The following SNAPC4 variants were observed in gnomAD, a reference collection of about 807,000 sequenced individuals.
The protein encoded by SNAPC4 is snRNA-activating protein complex subunit 4.
A neutral mutation model predicts 151.3 loss-of-function variants in SNAPC4; 127 were observed. The ratio of observed to expected loss-of-function variants is 0.84; its 90% CI spans 0.73 to 0.97. The LOEUF is 0.97. Among genes scored for constraint, SNAPC4 ranks in the 50% least tolerant of loss-of-function variants. SNAPC4 has a pLI of 0.00. For missense variants in SNAPC4, 2,186 were observed against 1,935.0 expected, an observed-to-expected ratio of 1.13 and a Z score of -2.43; for synonymous variants, 1,002 against 824.4, an observed-to-expected ratio of 1.22 and a Z score of -3.69.
In SNAPC4 at chr9:136,378,363, G is replaced by A. The variant is rs144039731; in HGVS notation, c.3464C>T (p.Pro1155Leu). 4.9e-4 allele frequency: 785 copies of A among 1,610,968 alleles called. 3 individuals are homozygous for A. The African/African-American group carries it at 8.8e-3, about 18-fold the overall frequency. The part of the protein sequence containing the change: ...EPSCRTDTPA[P>L]PTHALSQSPA... The stretch of plus-strand genomic sequence containing the variant: ...ACTTTGGGAGAGGGCGTGTGTGGGA[G>A]GAGCTGGGGTGTCTGTCCTGCAGGA... Residue 1155 changes from proline (P) to leucine (L), a missense_variant, in exon 22 of 24, where the codon CCT (proline) becomes CTT (leucine). Physicochemically the swap from Pro to Leu is moderately conservative, Grantham distance 98. Coordinates refer to ENST00000684778, the MANE Select transcript of SNAPC4 (RefSeq NM_003086.4).
At position 136,383,478 on chromosome 9, in the gene SNAPC4, T is replaced by A; in HGVS notation, c.1691A>T (p.Tyr564Phe). The change falls in exon 16 of 24, where the codon TAC becomes TTC. Residue 564 changes from tyrosine to phenylalanine, a missense_variant. Coordinates refer to ENST00000684778, the MANE Select transcript of SNAPC4 (RefSeq NM_003086.4). This position sits in a 1 kb window ranked among gnomAD's most constrained non-coding sequence, Gnocchi z 4.2. ...EGDRALLSPQ[Y>F]MVPDMDLWVP... Reference sequence around the variant, plus strand: ...CCACAGGTCCATGTCCGGGACCATGTACTGTGGGGACAGCAGCGCTCTGTC... The same window carrying A: ...CCACAGGTCCATGTCCGGGACCATGAACTGTGGGGACAGCAGCGCTCTGTC... The A allele has an allele frequency of 1.9e-6, 3 of 1,566,594 alleles. No homozygotes were observed. The highest frequency in any genetic ancestry group is 1.7e-6 in the Non-Finnish European group (2 of 1,155,928).
At chr9:136,387,661 G>T in intron 12 of SNAPC4, 81 bp downstream of exon 12, 3 of 1,365,798 alleles carry the variant, frequency 2.2e-6, no homozygotes, top group South Asian at 1.2e-5. Context: ...TCAGAGAAGG[G>T]ACCACTGGGG....
intron 3 of SNAPC4, among the ~76,000 whole-genome samples, chr9:136,396,134 G>C (rs1245809456): frequency 6.6e-6 from 1 of 152,228 alleles, no homozygotes; most frequent in African/African-American, 2.4e-5. Context: ...CACCAGCAAA[G>C]CACGGGGAGC....
chr9:136,380,991 G>A (rs978348200), intron 19 of SNAPC4, 141 bp from the exon 20 acceptor site: 4 of 615,120 alleles, frequency 6.5e-6, no homozygotes, highest in Middle Eastern at 2.9e-4. Flanking sequence ...TTCTGATGCA[G>A]ATGCAGGGGA....
Position 136,395,616 on chromosome 9 carries a change from T to A in SNAPC4, c.332A>T (p.Asn111Ile), listed in dbSNP as rs1484853581. ...GGCCCATCCCACCTGCTGCTCCCGG[T>A]TCTGGGCCAGCAGCAGGTTGGCCTC... ...LAEANLLLAQ[N>I]REQQEELMRD... Residue 111 changes from asparagine (N) to isoleucine (I), a missense_variant, in exon 4 of 24, where the codon AAC becomes ATC. Transcript: ENST00000684778. The A allele has an allele frequency of 6.8e-6, 11 of 1,611,616 alleles. No homozygotes were observed. Among genetic ancestry groups the A allele is most frequent in the Admixed American group, 1.7e-5 (1 of 59,988 alleles).
chr9:136,382,256 T>C lies in SNAPC4; in HGVS notation c.2064A>G (p.Thr688=). 13 of 1,612,604 alleles carry C rather than the reference T, an allele frequency of 8.1e-6. No individual in the cohort carries two copies. The highest frequency in any genetic ancestry group is 8.5e-6 in the Non-Finnish European group (10 of 1,179,880). The change falls in exon 17 of 24, where the codon ACA becomes ACG. Residue 688 remains threonine (T), a synonymous_variant. Coordinates refer to ENST00000684778, the MANE Select transcript of SNAPC4 (RefSeq NM_003086.4). The part of the protein sequence containing the change: ...LRANTAARSC[T]QKEQLRQPPL... ...GGGTGTCTGCAGCAGGCCTCACCTG[T>C]GTGCAGCTCCGAGCAGCCGTGTTGG... is the stretch of plus-strand genomic sequence containing the variant.
chr9:136,393,520 T>G (rs1049352367), intron 7 of SNAPC4, among the ~76,000 whole-genome samples: 2 of 152,222 alleles, frequency 1.3e-5, no homozygotes, highest in Admixed American at 6.5e-5. Context: ...AGTAAGGCTG[T>G]GCTGTGCCTT....
chr9:136,379,950 C>T (rs1833627760), intron 20 of SNAPC4, 86 bp from the exon 21 acceptor site: 1 of 1,472,264 alleles, frequency 6.8e-7, no homozygotes, highest in Non-Finnish European at 9.4e-7. Context: ...CTATCCCCTG[C>T]CACTCCCTGA....
intron 13 of SNAPC4, among the ~76,000 whole-genome samples, chr9:136,386,497 T>C (rs1382267869): frequency 1.3e-5 from 2 of 150,604 alleles, no homozygotes; most frequent in Non-Finnish European, 2.9e-5. Flanking sequence ...TGCAATGGCG[T>C]GATCTCGGCT....
chr9:136,392,156 C>T (rs1352470040), intron 9 of SNAPC4, 50 bp from the exon 10 acceptor site: 7 of 1,600,692 alleles, frequency 4.4e-6, no homozygotes, highest in Admixed American at 1.7e-5. Flanking sequence ...CCCAGGGGCA[C>T]CCTAGACGCA....
At chr9:136,395,205 G>A (rs1222877888) in intron 5 of SNAPC4, 93 bp downstream of exon 5, 6 of 1,480,520 alleles carry the variant, frequency 4.1e-6, no homozygotes, top group Non-Finnish European at 5.5e-6. Context: ...TGAACTCACA[G>A]GAATTCACGA....
At chr9:136,388,651 GCT>G in intron 10 of SNAPC4, 60 bp from the exon 11 acceptor site, 1 of 1,602,318 alleles carries the variant, frequency 6.2e-7, no homozygotes, top group Non-Finnish European at 8.5e-7. Flanking sequence ...TCCAGATCTG[GCT>G]CTGAGTGCCC....
chr9:136,379,692 G>A, intron 21 of SNAPC4, 145 bp downstream of exon 21: 2 of 790,140 alleles, frequency 2.5e-6, no homozygotes, highest in Non-Finnish European at 2.1e-6. Flanking sequence ...TCATCCCTGT[G>A]GTGGGACTCG....
rs147271628 is a variant in SNAPC4 at position 136,383,542 on chromosome 9, CGCT to C, written c.1624_1626del (p.Ser542del). 374,149 of 1,556,248 alleles carry C rather than the reference CGCT, an allele frequency of 0.24. 38,799 individuals are homozygous for C. Among genetic ancestry groups the C allele is most frequent in the Admixed American group, 0.27 (14,718 of 55,236 alleles). On this transcript the variant is annotated inframe_deletion, in exon 16 of 24. Transcript: ENST00000684778. This position sits in a 1 kb window ranked among gnomAD's most constrained non-coding sequence, Gnocchi z 4.2. Reference sequence around the variant, plus strand: ...TGCGCCTGCTCTGGCTCGTCCTCCTCGCTGCTGCTGCTGCTGCTGCTGCTGCTC... The same window carrying C: ...TGCGCCTGCTCTGGCTCGTCCTCCTCGCTGCTGCTGCTGCTGCTGCTGCTC...
chr9:136,398,352 G>C lies in SNAPC4; in HGVS notation c.77C>G (p.Ser26Trp), dbSNP rs746705123. Reference sequence around the variant, plus strand: ...TTCTGAGATCTCCACGTGGGAGCCCGAGGAGCCGGGATCCAAAATCCTTTC... The same window carrying C: ...TTCTGAGATCTCCACGTGGGAGCCCCAGGAGCCGGGATCCAAAATCCTTTC... Reference protein sequence around the residue: ...ELERILDPGSSGSHVEISESS... With the variant: ...ELERILDPGSWGSHVEISESS... The change falls in exon 2 of 24, where the codon TCG becomes TGG. Residue 26 changes from serine (S) to tryptophan (W), a missense_variant. Ser to Trp is a radical substitution (Grantham distance 177). Transcript: ENST00000684778. 1 of 1,613,914 alleles carries C rather than the reference G, an allele frequency of 6.2e-7. No homozygotes were observed. The highest frequency in any genetic ancestry group is 8.5e-7 in the Non-Finnish European group (1 of 1,179,882).
rs1338472508 is a variant in SNAPC4 at position 136,383,692 on chromosome 9, A to G, written c.1501-24T>C. On this transcript the variant is annotated intron_variant, in intron 15 of 23. Coordinates refer to ENST00000684778, the MANE Select transcript of SNAPC4 (RefSeq NM_003086.4). This position sits in a 1 kb window ranked among gnomAD's most constrained non-coding sequence, Gnocchi z 4.2. ...TTCTGAGGGGAGGAAAGAGCTACTT[A>G]GAGGCCTTGGCAAGCCCGGTTCACC... 2 of 1,580,528 alleles carry G rather than the reference A, an allele frequency of 1.3e-6. No homozygotes were observed. Among genetic ancestry groups the G allele is most frequent in the South Asian group, 2.4e-5 (2 of 84,950 alleles).
At chr9:136,381,442 C>T in intron 18 of SNAPC4, 50 bp from the exon 19 acceptor site, 1 of 1,500,238 alleles carries the variant, frequency 6.7e-7, no homozygotes, top group East Asian at 2.3e-5. Context: ...CCCATGGGCA[C>T]AGGGGGATGG....
intron 21 of SNAPC4, among the ~76,000 whole-genome samples, chr9:136,379,584 G>A (rs550765997): frequency 7.9e-5 from 12 of 152,322 alleles, no homozygotes; most frequent in East Asian, 3.9e-4. Context: ...ATGGGCGGAC[G>A]CTCGCTCCAG....
chr9:136,384,163 T>C (rs1211641601), intron 14 of SNAPC4, 131 bp from the exon 15 acceptor site: 2 of 676,918 alleles, frequency 3.0e-6, no homozygotes, highest in Non-Finnish European at 5.1e-6. Context: ...CGCTGGGGGG[T>C]CAAGCATGTT....
Sources: allele counts gnomAD v4.1 joint callset (sites outside exome capture counted in the v4.1 genomes callset), GRCh38; gene constraint gnomAD v4.1.1; non-coding constraint Gnocchi (gnomAD v3.1); transcripts MANE v1.5; gene names NCBI Gene and HGNC (gene_info 2026-07-23, HGNC 2026-07-21).